WWOX: variants seen among roughly 807,000 people sequenced by gnomAD.
WWOX encodes WW domain containing oxidoreductase, also known as WW domain-containing oxidoreductase.
In WWOX, 69 loss-of-function variants were observed where a neutral mutation model predicts 46.2. The observed-to-expected ratio is 1.49, with a 90% CI of 1.23 to 1.82. The LOEUF is 1.82. Among genes scored for constraint, WWOX ranks in the 40% most tolerant of loss-of-function variants. WWOX has a pLI of 0.00. For missense variants in WWOX, 919 were observed against 542.6 expected (o/e 1.69, Z -6.89); for synonymous variants, 359 against 202.6 (o/e 1.77, Z -6.56).
chr16:78,145,627 G>C (rs1222000989), intron 4 of WWOX, among the ~76,000 whole-genome samples: 1 of 152,076 alleles, frequency 6.6e-6, no homozygotes, highest in Non-Finnish European at 1.5e-5. Context: ...ACCTCCTTTG[G>C]AAACACCCGC....
rs1267593849 is a variant in WWOX, at chr16:78,118,360, GCATTGTGGGTT to G, written c.409+3210_409+3220del. Among the ~76,000 whole-genome samples the G allele has an allele frequency of 7.2e-4, 109 of 152,242 alleles. 2 individuals carry two copies. The highest frequency in any genetic ancestry group is 6.9e-3 in the Admixed American group (106 of 15,292). ...GATTTGGAGGAAATGTCAGAATAAA[GCATTGTGGGTT>G]CATGAAGTCCTAGGTTTTATAATTA... On this transcript the variant is annotated intron_variant, in intron 4 of 8. Coordinates refer to ENST00000566780, the MANE Select transcript of WWOX (RefSeq NM_016373.4).
chr16:78,843,989 A>T (rs2052231211), intron 8 of WWOX, among the ~76,000 whole-genome samples: 1 of 152,114 alleles, frequency 6.6e-6, no homozygotes, highest in Admixed American at 6.5e-5. Flanking sequence ...AACCCAGATG[A>T]TGTATTCAAC....
intron 8 of WWOX, among the ~76,000 whole-genome samples, chr16:78,466,721 T>G (rs2084086322): frequency 6.6e-6 from 1 of 152,064 alleles, no homozygotes; most frequent in Non-Finnish European, 1.5e-5. Context: ...GGCGCTGGGT[T>G]TCTGTAATCC....
At chr16:78,508,238 T>G (rs1055345329) in intron 8 of WWOX, among the ~76,000 whole-genome samples, 3 of 151,414 alleles carry the variant, frequency 2.0e-5, no homozygotes, top group African/African-American at 7.3e-5. Context: ...CTTGAACTCC[T>G]GATCTCAGGT....
At chr16:78,809,104 G>C (rs973364142) in intron 8 of WWOX, among the ~76,000 whole-genome samples, 21 of 152,126 alleles carry the variant, frequency 1.4e-4, no homozygotes, top group Non-Finnish European at 2.6e-4. Flanking sequence ...TCTGCACACA[G>C]AGTGGGCTGT....
intron 8 of WWOX, among the ~76,000 whole-genome samples, chr16:78,796,497 TGCCTC>T (rs1380577983): frequency 1.3e-5 from 2 of 152,262 alleles, no homozygotes; most frequent in African/African-American, 4.8e-5. Flanking sequence ...AGTCTGGTGA[TGCCTC>T]GAGGAGGCAA....
At chr16:78,457,428 T>C (rs186030842) in intron 8 of WWOX, among the ~76,000 whole-genome samples, 1 of 152,236 alleles carries the variant, frequency 6.6e-6, no homozygotes, top group African/African-American at 2.4e-5. Context: ...GTCTTCCACG[T>C]ACGTCCTGAG....
At chr16:78,745,539 T>C (rs1597535736) in intron 8 of WWOX, among the ~76,000 whole-genome samples, 2 of 150,762 alleles carry the variant, frequency 1.3e-5, no homozygotes, top group Admixed American at 1.3e-4. Flanking sequence ...TTTTTTTTTT[T>C]TTTTTTGCTT....
At chr16:79,009,343 G>A (rs13338622) in intron 8 of WWOX, among the ~76,000 whole-genome samples, 17,306 of 152,222 alleles carry the variant, frequency 0.11, 2,586 homozygotes, top group African/African-American at 0.35. Context: ...CTGCACTGCT[G>A]TGGCTCTTTT....
At chr16:78,938,427 C>T (rs76995464) in intron 8 of WWOX, among the ~76,000 whole-genome samples, 5 of 151,470 alleles carry the variant, frequency 3.3e-5, no homozygotes, top group East Asian at 3.9e-4. Flanking sequence ...GCTTGAGGAC[C>T]TTTGTGTGAG....
At chr16:78,781,544 T>G (rs1286858460) in intron 8 of WWOX, among the ~76,000 whole-genome samples, 2 of 152,236 alleles carry the variant, frequency 1.3e-5, no homozygotes, top group Non-Finnish European at 2.9e-5. Flanking sequence ...TAATACCTGT[T>G]GCTTTTGTGT....
intron 8 of WWOX, among the ~76,000 whole-genome samples, chr16:79,025,999 C>CCT: frequency 6.6e-6 from 1 of 150,444 alleles, no homozygotes; most frequent in Admixed American, 6.6e-5. Flanking sequence ...TGGGTTTTAG[C>CCT]CATGTTGTGC....
chr16:78,330,398 A>ATTTTTT (rs773610021), intron 5 of WWOX, among the ~76,000 whole-genome samples: 2 of 144,874 alleles, frequency 1.4e-5, no homozygotes, highest in Non-Finnish European at 3.1e-5. Context: ...ACCAGTGATA[A>ATTTTTT]TTTTTTTTTT....
At chr16:78,870,026 C>G (rs2044092822) in intron 8 of WWOX, among the ~76,000 whole-genome samples, 1 of 152,182 alleles carries the variant, frequency 6.6e-6, no homozygotes, top group African/African-American at 2.4e-5. Context: ...TCTTCCAGTC[C>G]TCCAGGGGAC....
intron 5 of WWOX, among the ~76,000 whole-genome samples, chr16:78,378,832 C>G (rs942052390): frequency 3.3e-5 from 5 of 152,160 alleles, no homozygotes; most frequent in African/African-American, 4.8e-5. Flanking sequence ...TAACACTTCT[C>G]TTGTAAATTC....
At chr16:78,535,927 G>A (rs376374419) in intron 8 of WWOX, among the ~76,000 whole-genome samples, 16 of 152,130 alleles carry the variant, frequency 1.1e-4, no homozygotes, top group Admixed American at 6.5e-4. Context: ...ACAGTGGACC[G>A]TGAGGTTCTG....
At position 79,056,868 on chromosome 16, in the gene WWOX, A is replaced by C. The variant is rs142101479; in HGVS notation, c.1057-154740A>C. On this transcript the variant is annotated intron_variant, in intron 8 of 8. Transcript: ENST00000566780. ...TCATAGGAATAGTTCAAAGCTAAAG[A>C]GCCTTTCAGGCAGGCTGGGCACTTC... 1.3e-3 allele frequency among the ~76,000 whole-genome samples: 195 copies of C among 152,354 alleles called. 1 individual carries two copies. Among genetic ancestry groups the C allele is most frequent in the African/African-American group, 4.3e-3 (179 of 41,576 alleles).
chr16:78,158,747 T>C (rs2034686386), intron 4 of WWOX, among the ~76,000 whole-genome samples: 1 of 152,172 alleles, frequency 6.6e-6, no homozygotes, highest in Non-Finnish European at 1.5e-5. Context: ...ATGATTGATG[T>C]ACAAAAAGCC....
intron 5 of WWOX, among the ~76,000 whole-genome samples, chr16:78,195,868 T>TATGA (rs1432065165): frequency 7.1e-6 from 1 of 141,034 alleles, no homozygotes; most frequent in African/African-American, 2.6e-5. Context: ...ACATGTGGAA[T>TATGA]ATGAGACAAA....
Sources: gnomAD v4.1 joint callset for allele counts (sites outside exome capture counted in the v4.1 genomes callset) on GRCh38, gnomAD v4.1.1 for gene constraint, MANE v1.5 for transcripts, NCBI Gene and HGNC (gene_info 2026-07-23, HGNC 2026-07-21) for gene names.